The following CTNNAL1 variants were observed in gnomAD, a reference collection of about 807,000 sequenced individuals.
The protein encoded by CTNNAL1 is catenin alpha like 1.
Under a neutral mutation model 93.6 loss-of-function variants are expected in CTNNAL1, and 69 were observed. The ratio of observed to expected loss-of-function variants is 0.74; its 90% CI spans 0.61 to 0.90. CTNNAL1 has a LOEUF of 0.90. CTNNAL1 is among the 40% of genes least tolerant of loss of function. The pLI is 0.00. For missense variants in CTNNAL1, 836 were observed against 862.0 expected, an observed-to-expected ratio of 0.97 and a Z score of 0.38; for synonymous variants, 286 against 305.4, an observed-to-expected ratio of 0.94 and a Z score of 0.66.
intron 3 of CTNNAL1, chr9:108,992,159 T>C (rs1382995321): frequency 3.0e-6 from 2 of 655,984 alleles, no homozygotes; most frequent in East Asian, 2.7e-5. Flanking sequence ...TCACCTTTTC[T>C]TTCCAAATGT....
chr9:108,948,021 C>T (rs1008043771), intron 15 of CTNNAL1, among the ~76,000 whole-genome samples, 165 bp downstream of exon 15: 2 of 152,198 alleles, frequency 1.3e-5, no homozygotes, highest in African/African-American at 4.8e-5. Context: ...TGCAAAATGT[C>T]ATTGCAAGCC....
At chr9:108,972,865 A>AACC in intron 8 of CTNNAL1, 32 bp from the exon 9 acceptor site, 1 of 219,282 alleles carries the variant, frequency 4.6e-6, no homozygotes, top group Non-Finnish European at 6.2e-6. Flanking sequence ...GGGGGGTGGG[A>AACC]GGGTGGAGAA....
intron 6 of CTNNAL1, among the ~76,000 whole-genome samples, chr9:108,980,529 A>G (rs1208498840): frequency 6.6e-6 from 1 of 152,196 alleles, no homozygotes; most frequent in Non-Finnish European, 1.5e-5. Context: ...CATCCATGAA[A>G]ATATCAAAGT....
chr9:108,945,564 C>T (rs1052159855), intron 15 of CTNNAL1, among the ~76,000 whole-genome samples: 3 of 150,536 alleles, frequency 2.0e-5, no homozygotes, highest in African/African-American at 4.9e-5. Context: ...CAGGCTCAAG[C>T]GATCCTCCTG....
At position 108,952,308 on chromosome 9, in the gene CTNNAL1, G is replaced by A. The variant is rs756533564; in HGVS notation, c.1736C>T (p.Ala579Val). 1 of 1,614,188 alleles carries A rather than the reference G, an allele frequency of 6.2e-7. No homozygotes were observed. The highest frequency in any genetic ancestry group is 1.7e-5 in the Admixed American group (1 of 60,024). Residue 579 changes from alanine (A) to valine (V), a missense_variant, in exon 14 of 19, where the codon GCT becomes GTT. By Grantham distance (64) the Ala-to-Val change is moderately conservative. Transcript: ENST00000325551. ...TTCCCACTTCTCAATTTCGCAGTCA[G>A]CGTCAGAGGTGAGCAAACCCAGCTT... ...GLKLGLLTSD[A>V]DCEIEKWEDQ... is the part of the protein sequence containing the mutation.
intron 12 of CTNNAL1, among the ~76,000 whole-genome samples, chr9:108,954,968 ATTT>A (rs11363061): frequency 6.9e-6 from 1 of 145,534 alleles, no homozygotes; most frequent in Non-Finnish European, 1.5e-5. Flanking sequence ...CAGTAATTTT[ATTT>A]TTTTTTTTTT....
intron 11 of CTNNAL1, among the ~76,000 whole-genome samples, chr9:108,965,121 A>G: frequency 6.6e-6 from 1 of 152,166 alleles, no homozygotes; most frequent in East Asian, 1.9e-4. Flanking sequence ...TTGGCCTCCC[A>G]AAGCGCTGGG....
intron 5 of CTNNAL1, among the ~76,000 whole-genome samples, chr9:108,983,659 G>T (rs1831508288): frequency 6.6e-6 from 1 of 152,190 alleles, no homozygotes; most frequent in Admixed American, 6.5e-5. Context: ...AAAATGAGAT[G>T]ATATATGATC....
chr9:108,964,159 A>G (rs1830891761), intron 11 of CTNNAL1, among the ~76,000 whole-genome samples: 1 of 152,204 alleles, frequency 6.6e-6, no homozygotes, highest in Admixed American at 6.5e-5. Context: ...CAAAGCATCA[A>G]AATGATTTGC....
In CTNNAL1 at chr9:108,977,025, G is replaced by A. The variant is rs76556407; in HGVS notation, c.1125C>T (p.Ile375=). ...AAATACTGAGTTCCAGTTCTTCAGC[G>A]ATGCTTTTTGTTTTCTTGCTTTGCT... ...IQAQSKKTKS[I]AEELELSILK... The change falls in exon 8 of 19, where the codon ATC becomes ATT. Residue 375 remains isoleucine (I), a synonymous_variant. Transcript: ENST00000325551. 804 of 1,531,876 alleles carry A rather than the reference G, an allele frequency of 5.2e-4. 5 individuals carry two copies. In the African/African-American group the frequency reaches 9.7e-3, roughly 19 times the overall value. 94.9% of individuals were successfully genotyped at this position (1,531,876 alleles called of 1,614,324 possible). A position where few individuals can be genotyped will look rare whatever the true frequency, so the allele number is the denominator to read the frequency against.
chr9:108,952,406 C>A, intron 13 of CTNNAL1, 38 bp downstream of exon 13: 1 of 1,614,114 alleles, frequency 6.2e-7, no homozygotes, highest in Non-Finnish European at 8.5e-7. Flanking sequence ...TATCACTATT[C>A]ATGTTAAAGG....
chr9:108,943,157 T>C (rs1830294296), intron 17 of CTNNAL1, 113 bp from the exon 18 acceptor site: 1 of 970,288 alleles, frequency 1.0e-6, no homozygotes, highest in Non-Finnish European at 1.5e-6. Flanking sequence ...CTAAGGGATC[T>C]TGAAAGAGAT....
Position 108,979,360 on chromosome 9 carries a change from T to C in CTNNAL1, c.1022A>G (p.Glu341Gly). 6.2e-7 allele frequency: 1 copy of C among 1,614,196 alleles called. No individual in the cohort carries two copies. The highest frequency in any genetic ancestry group is 2.2e-5 in the East Asian group (1 of 44,874). ...DFTDSAYTSH[E>G]HRERILELST... ...CAGTTCCAAGATGCGTTCTCTGTGCTCATGGCTGGTGTAGGCAGAATCAGT... is the reference window on the plus strand; with the variant it reads ...CAGTTCCAAGATGCGTTCTCTGTGCCCATGGCTGGTGTAGGCAGAATCAGT... The change falls in exon 7 of 19, where the codon GAG (glutamate) becomes GGG (glycine). Residue 341 changes from glutamate to glycine, a missense_variant. Coordinates refer to ENST00000325551, the MANE Select transcript of CTNNAL1 (RefSeq NM_003798.4).
At chr9:109,007,970 G>GATTA (rs1261179686) in intron 1 of CTNNAL1, among the ~76,000 whole-genome samples, 12 of 151,702 alleles carry the variant, frequency 7.9e-5, no homozygotes, top group Admixed American at 7.9e-4. Flanking sequence ...TCAACATTAT[G>GATTA]TTTTTGAGAT....
intron 2 of CTNNAL1, 46 bp from the exon 3 acceptor site, chr9:108,992,865 A>G: frequency 2.6e-6 from 4 of 1,551,888 alleles, no homozygotes; most frequent in Non-Finnish European, 3.5e-6. Context: ...CATACAAATT[A>G]AAATCTAGAC....
intron 4 of CTNNAL1, among the ~76,000 whole-genome samples, chr9:108,990,292 CAAAT>C (rs28361122): frequency 0.22 from 32,805 of 151,784 alleles, 4,320 homozygotes; most frequent in East Asian, 0.3. Flanking sequence ...ATAGGCAGTG[CAAAT>C]AAATAATGGC....
At position 108,943,975 on chromosome 9, in the gene CTNNAL1, G is replaced by C; in HGVS notation, c.1928C>G (p.Ala643Gly). 2.5e-6 allele frequency: 4 copies of C among 1,613,526 alleles called. No individual in the cohort carries two copies. The highest frequency in any genetic ancestry group is 3.4e-6 in the Non-Finnish European group (4 of 1,179,796). Residue 643 changes from alanine (A) to glycine (G), a missense_variant, in exon 16 of 19, where the codon GCT becomes GGT. By Grantham distance (60) the Ala-to-Gly change is moderately conservative. Transcript: ENST00000325551. ...GACATGTGTTACCTGTTTTGAAAAA[G>C]CTTGAACACTGGAAGTAAGCTTTAA... ...EGLKLTSSVQ[A>G]FSKQLKDDDK...
At position 109,013,398 on chromosome 9, in the gene CTNNAL1, T is replaced by A. The variant is rs564241587; in HGVS notation, c.45A>T (p.Ala15=). The change falls in exon 1 of 19, where the codon GCA becomes GCT. Residue 15 remains alanine (A), a synonymous_variant. Transcript: ENST00000325551. Reference sequence around the variant, plus strand: ...AGCCCGAAGAGCCGGAGCCGTAGACTGCTCCGGCGCCGCCAACGCCGGCGG... The same window carrying A: ...AGCCCGAAGAGCCGGAGCCGTAGACAGCTCCGGCGCCGCCAACGCCGGCGG... ...PGPAGVGGAG[A]VYGSGSSGFA... The A allele has an allele frequency of 9.1e-5, 136 of 1,496,594 alleles. No individual in the cohort carries two copies. In the African/African-American group the frequency reaches 1.7e-3, roughly 19 times the overall value. The allele number at this position is 1,496,594 out of a possible 1,614,324, so 92.7% of individuals were successfully genotyped here. A position where few individuals can be genotyped will look rare whatever the true frequency, so the allele number is the denominator to read the frequency against.
In CTNNAL1 at chr9:108,977,015, G is replaced by T; in HGVS notation, c.1135C>A (p.Leu379Met). ...SKKTKSIAEE[L>M]ELSILKISHS... ...CTGATTTTCAAAATACTGAGTTCCA[G>T]TTCTTCAGCGATGCTTTTTGTTTTC... is the stretch of plus-strand genomic sequence containing the variant. Residue 379 changes from leucine to methionine, a missense_variant, in exon 8 of 19, where the codon CTG becomes ATG. Physicochemically the swap from Leu to Met is conservative, Grantham distance 15. Transcript: ENST00000325551. The T allele has an allele frequency of 6.5e-7, 1 of 1,537,132 alleles. No homozygotes were observed. Among genetic ancestry groups the T allele is most frequent in the Admixed American group, 2.2e-5 (1 of 46,414 alleles).
Sources: allele counts gnomAD v4.1 joint callset (sites outside exome capture counted in the v4.1 genomes callset), GRCh38; gene constraint gnomAD v4.1.1; transcripts MANE v1.5; gene names NCBI Gene and HGNC (gene_info 2026-07-23, HGNC 2026-07-21).